CFAP43: variants seen among roughly 807,000 people sequenced by gnomAD.
CFAP43 encodes cilia- and flagella-associated protein 43.
A neutral mutation model predicts 218.9 loss-of-function variants in CFAP43; 155 were observed. The ratio of observed to expected loss-of-function variants is 0.71; its 90% confidence interval spans 0.62 to 0.81. CFAP43 has a LOEUF of 0.81. CFAP43 is among the 30% of genes least tolerant of loss of function. CFAP43 has a pLI of 0.00. For synonymous variants in CFAP43, 645 were observed against 681.3 expected, an observed-to-expected ratio of 0.95 and a Z score of 0.83; for missense variants, 1,778 against 1,954.3, an observed-to-expected ratio of 0.91 and a Z score of 1.70.
intron 3 of CFAP43, among the ~76,000 whole-genome samples, chr10:104,215,005 C>A (rs1402046290): frequency 1.3e-5 from 2 of 152,068 alleles, no homozygotes; most frequent in East Asian, 3.9e-4. Context: ...TATGGTGGCA[C>A]ACGCCTGTAA....
chr10:104,166,562 C>G lies in CFAP43; in HGVS notation c.2965G>C (p.Asp989His). The G allele has an allele frequency of 6.2e-7, 1 of 1,614,146 alleles. No homozygotes were observed. Among genetic ancestry groups the G allele is most frequent in the African/African-American group, 1.3e-5 (1 of 75,040 alleles). ...AATTGGCTTGACAATAAAGAGGTATCTACCCCAAAATCAGTACTCAGACTA... is the reference window on the plus strand; with the variant it reads ...AATTGGCTTGACAATAAAGAGGTATGTACCCCAAAATCAGTACTCAGACTA... ...LGSLSTDFGVDTSLLSSQLEL... is the reference protein window; with the variant it reads ...LGSLSTDFGVHTSLLSSQLEL... The change falls in exon 23 of 38, where the codon GAT becomes CAT. Residue 989 changes from aspartate (D) to histidine (H), a missense_variant. Asp to His is a moderately conservative substitution (Grantham distance 81). Around this residue, in one of 3 missense-constraint regions of CFAP43, gnomAD observed 1,553 missense variants for 1,685.2 expected, o/e 0.92. Coordinates refer to ENST00000357060, the MANE Select transcript of CFAP43 (RefSeq NM_025145.7).
At chr10:104,171,266 T>C (rs1223660743) in intron 20 of CFAP43, among the ~76,000 whole-genome samples, 1 of 152,264 alleles carries the variant, frequency 6.6e-6, no homozygotes, top group African/African-American at 2.4e-5. Context: ...TTAATAAATG[T>C]TGCAGAATGA....
At chr10:104,136,005 T>A (rs1256402244) in intron 34 of CFAP43, among the ~76,000 whole-genome samples, 2 of 151,894 alleles carry the variant, frequency 1.3e-5, no homozygotes, top group Non-Finnish European at 2.9e-5. Context: ...ATCCCAGCAC[T>A]TTGGGAGGCT....
intron 16 of CFAP43, among the ~76,000 whole-genome samples, chr10:104,183,941 G>GT (rs1409378934): frequency 1.2e-4 from 19 of 152,226 alleles, no homozygotes; most frequent in African/African-American, 4.1e-4. Context: ...AGTTTTTGAG[G>GT]TAAGTGGCTA....
rs553041629 is a variant in CFAP43, at chr10:104,152,488, C to T, written c.3660+119G>A. The T allele has an allele frequency of 5.0e-5, 70 of 1,398,906 alleles. No homozygotes were observed. The Middle Eastern group carries it at 1.7e-3, about 33-fold the overall frequency. The allele number at this position is 1,398,906 out of a possible 1,614,324, so 86.7% of individuals were successfully genotyped here. ...TGCACAAGATGAGACTGGAGAGGGACGCAGGGCCCAGAGCATACAAGATCT... is the reference window on the plus strand; with the variant it reads ...TGCACAAGATGAGACTGGAGAGGGATGCAGGGCCCAGAGCATACAAGATCT... On this transcript the variant is annotated intron_variant, in intron 28 of 37. Coordinates refer to ENST00000357060, the MANE Select transcript of CFAP43 (RefSeq NM_025145.7).
rs2089995015 is a variant in CFAP43 at position 104,185,256 on chromosome 10, T to G, written c.2011-110A>C. Reference sequence around the variant, plus strand: ...TGTGGATAAATCATTTTCTATTTGCTAACAGCATTTTAATTGGTATGGAAG... The same window carrying G: ...TGTGGATAAATCATTTTCTATTTGCGAACAGCATTTTAATTGGTATGGAAG... On this transcript the variant is annotated intron_variant, in intron 15 of 37. Transcript: ENST00000357060. 8 of 1,409,208 alleles carry G rather than the reference T, an allele frequency of 5.7e-6. No individual in the cohort carries two copies. In the Admixed American group the frequency reaches 8.0e-5, roughly 14 times the overall value. The allele number at this position is 1,409,208 out of a possible 1,614,324, so 87.3% of individuals were successfully genotyped here.
chr10:104,204,728 A>G (rs2134952646), intron 7 of CFAP43, among the ~76,000 whole-genome samples: 1 of 152,310 alleles, frequency 6.6e-6, no homozygotes, highest in East Asian at 1.9e-4. Context: ...TATGTGCTCC[A>G]GATGGCTTCC....
chr10:104,216,767 G>T (rs2091022653), intron 3 of CFAP43, among the ~76,000 whole-genome samples: 1 of 151,838 alleles, frequency 6.6e-6, no homozygotes, highest in Admixed American at 6.6e-5. Flanking sequence ...CCAAGTGGTG[G>T]CCAGCAAGGT....
At position 104,147,909 on chromosome 10, in the gene CFAP43, T is replaced by A. The variant is rs1174837357; in HGVS notation, c.3750A>T (p.Thr1250=). 1 of 1,596,458 alleles carries A rather than the reference T, an allele frequency of 6.3e-7. No homozygotes were observed. Among genetic ancestry groups the A allele is most frequent in the South Asian group, 1.1e-5 (1 of 88,508 alleles). ...SREKFLNNYL[T]RKQHEKSQTS... ...TTCTTACTTTCTCGTGCTGTTTCCT[T>A]GTAAGGTAGTTGTTCAGGAATTTTT... is the stretch of plus-strand genomic sequence containing the variant. Residue 1250 remains threonine (T), a synonymous_variant, in exon 29 of 38, where the codon ACA becomes ACT. Coordinates refer to ENST00000357060, the MANE Select transcript of CFAP43 (RefSeq NM_025145.7).
At chr10:104,135,896 C>A (rs2087417735) in intron 34 of CFAP43, among the ~76,000 whole-genome samples, 1 of 151,486 alleles carries the variant, frequency 6.6e-6, no homozygotes, top group South Asian at 2.1e-4. Context: ...TCATGAATAG[C>A]CAAAACAATA....
At chr10:104,191,350 C>G (rs187835664) in intron 12 of CFAP43, among the ~76,000 whole-genome samples, 76 of 152,244 alleles carry the variant, frequency 5.0e-4, no homozygotes, top group African/African-American at 1.8e-3. Flanking sequence ...ACTTTTTTAC[C>G]ATTCCAAGTA....
intron 34 of CFAP43, among the ~76,000 whole-genome samples, chr10:104,134,667 A>G (rs1408569843): frequency 1.3e-5 from 2 of 152,146 alleles, no homozygotes. Context: ...CACAAACTAT[A>G]AAAACCAATT....
chr10:104,195,439 C>A (rs1264294928), intron 10 of CFAP43, among the ~76,000 whole-genome samples: 2 of 152,022 alleles, frequency 1.3e-5, no homozygotes, highest in East Asian at 1.9e-4. Flanking sequence ...TACATATAAC[C>A]CTTGGTCACA....
At chr10:104,203,985 T>G (rs1051832513) in intron 7 of CFAP43, among the ~76,000 whole-genome samples, 182 bp from the exon 8 acceptor site, 1 of 152,216 alleles carries the variant, frequency 6.6e-6, no homozygotes, top group Non-Finnish European at 1.5e-5. Flanking sequence ...TGTTCCCTGG[T>G]CAAGCTTCAG....
At chr10:104,206,728 G>T (rs951901178) in intron 6 of CFAP43, among the ~76,000 whole-genome samples, 5 of 152,218 alleles carry the variant, frequency 3.3e-5, no homozygotes, top group African/African-American at 1.2e-4. Flanking sequence ...AGCTTGTCTT[G>T]GCAAGGCCCC....
intron 4 of CFAP43, among the ~76,000 whole-genome samples, chr10:104,213,157 G>A (rs1456182603): frequency 6.6e-6 from 1 of 152,166 alleles, no homozygotes; most frequent in Non-Finnish European, 1.5e-5. Flanking sequence ...GGGTTACTGT[G>A]AAAAAGAAGT....
At chr10:104,226,532 A>C (rs888912761) in intron 2 of CFAP43, among the ~76,000 whole-genome samples, 2 of 152,002 alleles carry the variant, frequency 1.3e-5, no homozygotes, top group Non-Finnish European at 2.9e-5. Context: ...ATATTCTTTA[A>C]ATCTTAGAAA....
rs141476006 is a variant in CFAP43 at position 104,182,443 on chromosome 10, C to T, written c.2212G>A (p.Ala738Thr). The change falls in exon 17 of 38, where the codon GCC becomes ACC. Residue 738 changes from alanine to threonine, a missense_variant. Physicochemically the swap from Ala to Thr is moderately conservative, Grantham distance 58 (BLOSUM62 0). Coordinates refer to ENST00000357060, the MANE Select transcript of CFAP43 (RefSeq NM_025145.7). ...AAATAATGATTCTCCTTGTCCATGGCGCTGCTCAGGGAAATTAATAGTTTC... is the reference window on the plus strand; with the variant it reads ...AAATAATGATTCTCCTTGTCCATGGTGCTGCTCAGGGAAATTAATAGTTTC... ...YQKLLISLSSAMDKENHYLST... is the reference protein window; with the variant it reads ...YQKLLISLSSTMDKENHYLST... 7.9e-5 allele frequency: 128 copies of T among 1,612,512 alleles called. No homozygotes were observed. The African/African-American group carries it at 1.3e-3, about 17-fold the overall frequency.
rs1031445306 is a variant in CFAP43 at position 104,215,042 on chromosome 10, G to A, written c.417-616C>T. On this transcript the variant is annotated intron_variant, in intron 3 of 37. Coordinates refer to ENST00000357060, the MANE Select transcript of CFAP43 (RefSeq NM_025145.7). ...CCCAGCTACTTGGGAGGCTGAGGCA[G>A]GAGCATCGCTTGAACCTGGGAGGCG... is the stretch of plus-strand genomic sequence containing the variant. Among the ~76,000 whole-genome samples, 39 of 152,056 alleles carry A rather than the reference G, an allele frequency of 2.6e-4. 1 individual carries two copies. Among genetic ancestry groups the A allele is most frequent in the Admixed American group, 1.7e-3 (26 of 15,270 alleles).
Sources: allele counts gnomAD v4.1 joint callset (sites outside exome capture counted in the v4.1 genomes callset), GRCh38; gene constraint gnomAD v4.1.1; regional missense constraint gnomAD v4.1.1; transcripts MANE v1.5; gene names NCBI Gene and HGNC (gene_info 2026-07-23, HGNC 2026-07-21).